Variants in WWP1 observed in about 807,000 individuals in gnomAD.
WWP1 encodes NEDD4-like E3 ubiquitin-protein ligase WWP1.
In WWP1, 49 loss-of-function variants were observed where a neutral mutation model predicts 130.6. The ratio of observed to expected loss-of-function variants is 0.38; its 90% CI spans 0.30 to 0.48. WWP1 has a LOEUF of 0.48. WWP1 is among the 20% of genes least tolerant of loss of function. The probability of loss-of-function intolerance (pLI) is 0.99; values close to 1 mark genes in which losing one functional copy is unlikely to be tolerated. For synonymous variants in WWP1, 332 were observed against 367.8 expected, an observed-to-expected ratio of 0.90 and a Z score of 1.11; for missense variants, 809 against 1,100.6, an observed-to-expected ratio of 0.74 and a Z score of 3.75.
At chr8:86,426,529 T>A (rs1809633570) in intron 10 of WWP1, among the ~76,000 whole-genome samples, 1 of 152,094 alleles carries the variant, frequency 6.6e-6, no homozygotes, top group African/African-American at 2.4e-5. Flanking sequence ...GGGAAGGGTA[T>A]TCTGTGAGGC....
At chr8:86,379,349 A>G (rs1179078158) in intron 3 of WWP1, among the ~76,000 whole-genome samples, 3 of 152,162 alleles carry the variant, frequency 2.0e-5, no homozygotes, top group African/African-American at 4.8e-5. Flanking sequence ...TTTGCTTGGA[A>G]TCTTGCATTT....
At chr8:86,443,720 A>G (rs955819915) in intron 18 of WWP1, among the ~76,000 whole-genome samples, 6 of 151,484 alleles carry the variant, frequency 4.0e-5, no homozygotes, top group African/African-American at 9.7e-5. Context: ...GTTAGAGGAA[A>G]CCTCACTGAT....
chr8:86,372,108 C>G (rs534663768), intron 2 of WWP1, among the ~76,000 whole-genome samples: 3 of 147,958 alleles, frequency 2.0e-5, no homozygotes, highest in Non-Finnish European at 3.0e-5. Context: ...ACTGCAAGCT[C>G]CGCCTCCCGG....
At chr8:86,389,988 CG>C (rs1825547397) in intron 5 of WWP1, among the ~76,000 whole-genome samples, 1 of 148,164 alleles carries the variant, frequency 6.7e-6, no homozygotes, top group Non-Finnish European at 1.5e-5. Context: ...CGGGGCAGCC[CG>C]GCAGAGACGC....
chr8:86,438,332 T>A (rs866572111), intron 16 of WWP1, among the ~76,000 whole-genome samples: 1 of 152,162 alleles, frequency 6.6e-6, no homozygotes, highest in Non-Finnish European at 1.5e-5. Context: ...GACCTGTGCA[T>A]TCACCATGTT....
chr8:86,425,545 T>A (rs1809571992), intron 10 of WWP1, among the ~76,000 whole-genome samples: 1 of 152,176 alleles, frequency 6.6e-6, no homozygotes, highest in Non-Finnish European at 1.5e-5. Flanking sequence ...GTTGCAAAAT[T>A]TGGTCAGTTG....
At chr8:86,434,962 C>G (rs1318157888) in intron 14 of WWP1, among the ~76,000 whole-genome samples, 23 of 152,188 alleles carry the variant, frequency 1.5e-4, no homozygotes, top group Admixed American at 1.5e-3. Context: ...GCCGTGCCAC[C>G]AACTCTGCCT....
intron 20 of WWP1, among the ~76,000 whole-genome samples, chr8:86,450,072 T>G (rs1199643974): frequency 6.6e-6 from 1 of 152,228 alleles, no homozygotes; most frequent in African/African-American, 2.4e-5. Flanking sequence ...CAAAAAGTAT[T>G]TAATAGATAC....
chr8:86,362,199 T>TATATATATACATATAC (rs1409280271), intron 1 of WWP1, among the ~76,000 whole-genome samples: 49 of 121,038 alleles, frequency 4.0e-4, no homozygotes, highest in African/African-American at 1.3e-3. Context: ...TATATATATA[T>TATATATATACATATAC]ATACTGGAAA....
intron 1 of WWP1, among the ~76,000 whole-genome samples, chr8:86,357,656 T>G (rs1436167945): frequency 2.6e-5 from 4 of 152,232 alleles, no homozygotes; most frequent in Non-Finnish European, 5.9e-5. Context: ...AAAGCTGTTT[T>G]GATGACAAAA....
At chr8:86,453,840 C>T (rs1353487986) in intron 21 of WWP1, among the ~76,000 whole-genome samples, 2 of 151,872 alleles carry the variant, frequency 1.3e-5, no homozygotes, top group South Asian at 2.1e-4. Flanking sequence ...GCTTATTTTC[C>T]CATATAAGTT....
chr8:86,426,938 A>T (rs1292708135), intron 10 of WWP1, among the ~76,000 whole-genome samples: 2 of 152,034 alleles, frequency 1.3e-5, no homozygotes, highest in Non-Finnish European at 2.9e-5. Context: ...AGGTGGGAGG[A>T]TCACCTGAGG....
chr8:86,464,754 T>C (rs1811950728), intron 24 of WWP1, among the ~76,000 whole-genome samples: 1 of 152,120 alleles, frequency 6.6e-6, no homozygotes, highest in Admixed American at 6.5e-5. Flanking sequence ...GGGCTCAAGC[T>C]GTCCTGCCTT....
chr8:86,457,852 A>T, intron 21 of WWP1, 69 bp from the exon 22 acceptor site: 1 of 1,458,436 alleles, frequency 6.9e-7, no homozygotes, highest in Non-Finnish European at 9.6e-7. Flanking sequence ...TGCATTAGGA[A>T]ATTTCAGTCA....
chr8:86,457,217 C>G lies in WWP1; in HGVS notation c.2395-704C>G, dbSNP rs114336539. 2.2e-3 allele frequency among the ~76,000 whole-genome samples: 339 copies of G among 151,878 alleles called. 1 individual carries two copies. The highest frequency in any genetic ancestry group is 7.3e-3 in the African/African-American group (301 of 41,484). On this transcript the variant is annotated intron_variant, in intron 21 of 24. Transcript: ENST00000517970. ...TACCTAAAATAATGTTCATTTCATA[C>G]ATAAGTTGAGGTTGTTTGACAATTT...
chr8:86,347,932 T>C (rs994268842), intron 1 of WWP1, among the ~76,000 whole-genome samples: 3 of 152,152 alleles, frequency 2.0e-5, no homozygotes, highest in Non-Finnish European at 4.4e-5. Context: ...ACAGAAACAT[T>C]CACTGGAGTA....
intron 1 of WWP1, among the ~76,000 whole-genome samples, chr8:86,367,827 G>A (rs1420693063): frequency 6.6e-6 from 1 of 152,198 alleles, no homozygotes; most frequent in Non-Finnish European, 1.5e-5. Context: ...CTGAGGGCTT[G>A]TGATAAGCAC....
Position 86,458,038 on chromosome 8 carries a change from ATCTTTTTTGAAACAAAGT to A in WWP1, c.2499+14_2499+31del. The A allele has an allele frequency of 1.2e-6, 2 of 1,603,644 alleles. No individual in the cohort carries two copies. Among genetic ancestry groups the A allele is most frequent in the Non-Finnish European group, 8.5e-7 (1 of 1,171,596 alleles). ...TTGGTTTTGGCAGGTATTTGCTTTTATCTTTTTTGAAACAAAGTACTCAACATATTTTCTAATGAAATG... is the reference window on the plus strand; with the variant it reads ...TTGGTTTTGGCAGGTATTTGCTTTTAACTCAACATATTTTCTAATGAAATG... On this transcript the variant is annotated intron_variant, in intron 22 of 24. Transcript: ENST00000517970.
intron 21 of WWP1, among the ~76,000 whole-genome samples, chr8:86,454,644 A>G (rs118033057): frequency 0.016 from 2,507 of 152,200 alleles, 42 homozygotes; most frequent in Middle Eastern, 0.065. Context: ...AAGAATGCCC[A>G]TGTTAGAGGT....
Sources: allele counts gnomAD v4.1 joint callset (sites outside exome capture counted in the v4.1 genomes callset), GRCh38; gene constraint gnomAD v4.1.1; transcripts MANE v1.5; gene names NCBI Gene and HGNC (gene_info 2026-07-23, HGNC 2026-07-21).